Variants in SLC39A11 observed in about 807,000 individuals in gnomAD.
The protein encoded by SLC39A11 is zinc transporter ZIP11.
SLC39A11 carries 33 observed loss-of-function variants against 36.1 expected under a neutral mutation model. The observed-to-expected ratio is 0.91, with a 90% confidence interval of 0.69 to 1.22. The LOEUF (loss-of-function observed/expected upper bound fraction) is 1.22. SLC39A11 is among the 50% of genes most tolerant of loss of function. The probability of loss-of-function intolerance (pLI) is 0.00; values close to 1 mark genes in which losing one functional copy is unlikely to be tolerated. For synonymous variants in SLC39A11, 166 were observed against 170.3 expected (o/e 0.97, Z 0.20); for missense variants, 432 against 430.3 (o/e 1.00, Z -0.03).
At chr17:73,042,854 A>G (rs776679007) in intron 3 of SLC39A11, among the ~76,000 whole-genome samples, 5 of 152,208 alleles carry the variant, frequency 3.3e-5, no homozygotes, top group Non-Finnish European at 5.9e-5. Context: ...TACAGAAGCC[A>G]AGAGTTGTCT....
intron 6 of SLC39A11, among the ~76,000 whole-genome samples, chr17:72,814,678 A>T (rs533836918): frequency 6.6e-6 from 1 of 152,368 alleles, no homozygotes; most frequent in African/African-American, 2.4e-5. Context: ...GGTTAACCCG[A>T]GAGATCAGCC....
chr17:72,956,158 T>C (rs2086238548), intron 4 of SLC39A11, among the ~76,000 whole-genome samples: 1 of 152,206 alleles, frequency 6.6e-6, no homozygotes, highest in Non-Finnish European at 1.5e-5. Context: ...ATCACCTTCA[T>C]GACCTTAACA....
intron 6 of SLC39A11, among the ~76,000 whole-genome samples, chr17:72,758,290 G>T (rs2075439175): frequency 6.6e-6 from 1 of 152,208 alleles, no homozygotes; most frequent in South Asian, 2.1e-4. Flanking sequence ...AGTCAAGAAG[G>T]AGTTTAATAA....
At chr17:72,910,031 T>C (rs866325349) in intron 5 of SLC39A11, among the ~76,000 whole-genome samples, 94 of 152,088 alleles carry the variant, frequency 6.2e-4, no homozygotes, top group African/African-American at 2.0e-3. Context: ...GGATTACAGG[T>C]GTGAGCCACC....
chr17:72,801,298 G>A (rs2077076899), intron 6 of SLC39A11, among the ~76,000 whole-genome samples: 1 of 152,192 alleles, frequency 6.6e-6, no homozygotes, highest in South Asian at 2.1e-4. Context: ...TTGGCTCACT[G>A]CAACCTCTGC....
intron 6 of SLC39A11, among the ~76,000 whole-genome samples, chr17:72,842,763 G>A (rs551943528): frequency 6.6e-6 from 1 of 152,316 alleles, no homozygotes; most frequent in East Asian, 1.9e-4. Context: ...ACCCAGGCAG[G>A]CGCCACGGAA....
chr17:72,876,596 GCTGAAACTTA>G (rs2080908721), intron 5 of SLC39A11, among the ~76,000 whole-genome samples: 1 of 152,116 alleles, frequency 6.6e-6, no homozygotes, highest in South Asian at 2.1e-4. Flanking sequence ...GTATCATGGA[GCTGAAACTTA>G]CCAATCACTG....
At chr17:72,908,534 C>T (rs904423909) in intron 5 of SLC39A11, among the ~76,000 whole-genome samples, 1 of 152,196 alleles carries the variant, frequency 6.6e-6, no homozygotes, top group Non-Finnish European at 1.5e-5. Context: ...GTCCAGAGAG[C>T]CCCGGCTTGC....
Position 73,031,549 on chromosome 17 carries a change from T to C in SLC39A11, c.306+7A>G. 6.2e-7 allele frequency: 1 copy of C among 1,614,072 alleles called. No homozygotes were observed. Among genetic ancestry groups the C allele is most frequent in the Non-Finnish European group, 8.5e-7 (1 of 1,179,986 alleles). On this transcript the variant is annotated splice_region_variant and intron_variant, in intron 4 of 9. Coordinates refer to ENST00000255559, the MANE Select transcript of SLC39A11 (RefSeq NM_139177.4). ...GATACGACAGCTAAAAGTAGAGTGG[T>C]ACTCACCAAGTGAGGCATCAGGAGG...
intron 4 of SLC39A11, among the ~76,000 whole-genome samples, chr17:73,017,129 A>AG (rs1211335426): frequency 6.6e-6 from 1 of 152,180 alleles, no homozygotes; most frequent in African/African-American, 2.4e-5. Context: ...GAGAGAAACG[A>AG]GGGGGAAAAA....
At chr17:72,665,359 T>G (rs1010340266) in intron 7 of SLC39A11, among the ~76,000 whole-genome samples, 1 of 149,246 alleles carries the variant, frequency 6.7e-6, no homozygotes, top group Non-Finnish European at 1.5e-5. Context: ...GAGATAATCT[T>G]TGTTGGTTTA....
chr17:72,702,955 T>A (rs56302127), intron 7 of SLC39A11, among the ~76,000 whole-genome samples: 4,026 of 66,340 alleles, frequency 0.061, 284 homozygotes, highest in African/African-American at 0.16. Context: ...AAAAAAAAAA[T>A]GGAAGAAAGG....
chr17:73,033,340 A>G (rs1224246761), intron 3 of SLC39A11, among the ~76,000 whole-genome samples: 2 of 152,206 alleles, frequency 1.3e-5, no homozygotes, highest in African/African-American at 2.4e-5. Flanking sequence ...CAGGACCATA[A>G]CCAACTCAAT....
At chr17:72,689,927 G>A (rs1567949407) in intron 7 of SLC39A11, among the ~76,000 whole-genome samples, 1 of 152,184 alleles carries the variant, frequency 6.6e-6, no homozygotes, top group Non-Finnish European at 1.5e-5. Context: ...CTTCCAAGTG[G>A]CTAATTTTAC....
chr17:72,910,720 A>G (rs2082938730), intron 5 of SLC39A11, among the ~76,000 whole-genome samples: 1 of 151,136 alleles, frequency 6.6e-6, no homozygotes, highest in Non-Finnish European at 1.5e-5. Context: ...TCAGGCCAGG[A>G]GTTCAAGACC....
chr17:72,655,645 G>A (rs904644323), intron 7 of SLC39A11, among the ~76,000 whole-genome samples: 1 of 152,174 alleles, frequency 6.6e-6, no homozygotes, highest in Non-Finnish European at 1.5e-5. Flanking sequence ...TCTGGGAGCC[G>A]AGGACACCTG....
At chr17:73,013,513 C>A (rs1446955775) in intron 4 of SLC39A11, among the ~76,000 whole-genome samples, 1 of 152,236 alleles carries the variant, frequency 6.6e-6, no homozygotes, top group Non-Finnish European at 1.5e-5. Context: ...GCAGGGGATT[C>A]CACAGTTCAT....
chr17:73,003,979 T>C (rs949373191), intron 4 of SLC39A11, among the ~76,000 whole-genome samples: 16 of 151,268 alleles, frequency 1.1e-4, no homozygotes, highest in Admixed American at 4.6e-4. Flanking sequence ...CCAGCTACTA[T>C]GGAGGCTGAG....
chr17:72,965,890 G>C (rs937956935), intron 4 of SLC39A11, among the ~76,000 whole-genome samples: 1 of 152,172 alleles, frequency 6.6e-6, no homozygotes, highest in South Asian at 2.1e-4. Flanking sequence ...AGGGAATTCA[G>C]ACTGAATAGT....
Sources: allele counts gnomAD v4.1 joint callset (sites outside exome capture counted in the v4.1 genomes callset), GRCh38; gene constraint gnomAD v4.1.1; transcripts MANE v1.5; gene names NCBI Gene and HGNC (gene_info 2026-07-23, HGNC 2026-07-21).